Variants in MCM10 observed in about 807,000 individuals in gnomAD.
MCM10 encodes minichromosome maintenance 10 replication initiation factor.
Under a neutral mutation model 109.9 loss-of-function variants are expected in MCM10, and 91 were observed. That is an observed-to-expected ratio of 0.83 (90% CI 0.70 to 0.99). The LOEUF is 0.99. MCM10 is among the 50% of genes least tolerant of loss of function. MCM10 has a pLI of 0.00. For missense variants in MCM10, 1,077 were observed against 1,061.2 expected (o/e 1.01, Z -0.21); for synonymous variants, 380 against 387.2 (o/e 0.98, Z 0.22).
At chr10:13,203,554 C>T (rs946176982) in intron 17 of MCM10, among the ~76,000 whole-genome samples, 2 of 152,164 alleles carry the variant, frequency 1.3e-5, no homozygotes, top group Non-Finnish European at 1.5e-5. Flanking sequence ...GCCTTGGGCT[C>T]ACCACTCTGC....
rs987117224 is a variant in MCM10, at chr10:13,201,899, T to C, written c.2352+365T>C. On this transcript the variant is annotated intron_variant, in intron 17 of 19. Coordinates refer to ENST00000378714, the MANE Select transcript of MCM10 (RefSeq NM_018518.5). ...GCCTTGGGACCGTGGTTGAACCCCCTGGCCTCTCCTGTTATGATCCACCAC... is the reference window on the plus strand; with the variant it reads ...GCCTTGGGACCGTGGTTGAACCCCCCGGCCTCTCCTGTTATGATCCACCAC... The C allele has an allele frequency of 1.9e-5, 4 of 210,866 alleles. No homozygotes were observed. In the Admixed American group the frequency reaches 2.2e-4, roughly 11 times the overall value. The allele number at this position is 210,866 out of a possible 1,614,324, so 13.1% of individuals were successfully genotyped here.
intron 2 of MCM10, among the ~76,000 whole-genome samples, chr10:13,165,109 G>A (rs1308544017): frequency 6.6e-6 from 1 of 152,130 alleles, no homozygotes; most frequent in Non-Finnish European, 1.5e-5. Context: ...CTGAAACCCA[G>A]GATGGTACCA....
intron 9 of MCM10, among the ~76,000 whole-genome samples, chr10:13,186,946 C>T (rs988807885): frequency 2.0e-5 from 3 of 152,146 alleles, no homozygotes; most frequent in Admixed American, 6.6e-5. Flanking sequence ...GAGCTGAGAT[C>T]GCACTATTAT....
intron 2 of MCM10, among the ~76,000 whole-genome samples, chr10:13,169,240 A>C (rs531698625): frequency 6.6e-6 from 1 of 152,150 alleles, no homozygotes; most frequent in Non-Finnish European, 1.5e-5. Flanking sequence ...AAGCTCGTCT[A>C]TGAAACCCCA....
At chr10:13,186,090 T>A (rs1256025938) in intron 8 of MCM10, 74 bp from the exon 9 acceptor site, 1 of 832,930 alleles carries the variant, frequency 1.2e-6, no homozygotes, top group African/African-American at 1.7e-5. Flanking sequence ...CACCAACCAT[T>A]CTTTTTTCTA....
intron 2 of MCM10, among the ~76,000 whole-genome samples, chr10:13,169,862 C>T (rs1311580224): frequency 2.0e-5 from 3 of 152,178 alleles, no homozygotes; most frequent in African/African-American, 7.2e-5. Flanking sequence ...CGGGCCACCA[C>T]GCCCAGCTAA....
In MCM10 at chr10:13,170,951, G is replaced by C. The variant is rs185467446; in HGVS notation, c.37G>C (p.Ala13Pro). ...EEEDNLSLLT[A>P]LLEENESALD... The stretch of plus-strand genomic sequence containing the variant: ...GGAAGACAATCTGTCTCTGCTGACC[G>C]CACTGCTGGAAGAAAATGAGTCAGC... The change falls in exon 3 of 20, where the codon GCA (alanine) becomes CCA (proline). Residue 13 changes from alanine (A) to proline (P), a missense_variant. Ala to Pro is a conservative substitution (Grantham distance 27). Coordinates refer to ENST00000378714, the MANE Select transcript of MCM10 (RefSeq NM_018518.5). 6.2e-7 allele frequency: 1 copy of C among 1,614,062 alleles called. No homozygotes were observed. Among genetic ancestry groups the C allele is most frequent in the Admixed American group, 1.7e-5 (1 of 60,008 alleles).
In MCM10 at chr10:13,172,696, G is replaced by A. The variant is rs769876866; in HGVS notation, c.523G>A (p.Ala175Thr). 7 of 1,614,168 alleles carry A rather than the reference G, an allele frequency of 4.3e-6. No homozygotes were observed. The South Asian group carries it at 4.4e-5, about 10-fold the overall frequency. Residue 175 changes from alanine to threonine, a missense_variant, in exon 5 of 20, where the codon GCG (alanine) becomes ACG (threonine). Ala to Thr is a moderately conservative substitution (Grantham distance 58, BLOSUM62 0). Transcript: ENST00000378714. The surrounding 1 kb of genome is among the most constrained non-coding windows in gnomAD (Gnocchi z 5.2). ...AATTCAGGAGTCAACATGCTTTTCT[G>A]CGGAGCTTGATGTCCCTGCGCTACC... is the stretch of plus-strand genomic sequence containing the variant. ...QRIQESTCFSAELDVPALPRT... is the reference protein window; with the variant it reads ...QRIQESTCFSTELDVPALPRT...
chr10:13,191,239 A>T, intron 10 of MCM10, 60 bp from the exon 11 acceptor site: 1 of 1,098,552 alleles, frequency 9.1e-7, no homozygotes, highest in Non-Finnish European at 1.4e-6. Context: ...TGCCTTCTTT[A>T]CCTCATCAGA....
At chr10:13,166,080 G>A (rs1833993678) in intron 2 of MCM10, among the ~76,000 whole-genome samples, 1 of 151,992 alleles carries the variant, frequency 6.6e-6, no homozygotes, top group Non-Finnish European at 1.5e-5. Context: ...TAGTAGATGG[G>A]AGACACTGCT....
At chr10:13,188,778 C>A in intron 9 of MCM10, 103 bp from the exon 10 acceptor site, 1 of 987,556 alleles carries the variant, frequency 1.0e-6, no homozygotes, top group Non-Finnish European at 1.6e-6. Context: ...GAGGACTCTG[C>A]ATGCGTCATG....
rs1414538027 is a variant in MCM10 at position 13,189,091 on chromosome 10, CT to C, written c.1415+12del. On this transcript the variant is annotated intron_variant, in intron 10 of 19. Transcript: ENST00000378714. ...GTATGCAGCTTCAATGTAAGACGTT[CT>C]CGGGCTTCTTTTGGGCAGAGGATTT... The C allele has an allele frequency of 6.2e-7, 1 of 1,613,962 alleles. No homozygotes were observed. The highest frequency in any genetic ancestry group is 1.3e-5 in the African/African-American group (1 of 74,926).
chr10:13,172,755 T>G lies in MCM10; in HGVS notation c.582T>G (p.Ala194=). ...AGAGGGTGGCTCGAACACCAAAGGC[T>G]TCACCTCCAGGTGTAGTACTTGCGG... ...RTKRVARTPK[A]SPPDPKSSSS... Residue 194 remains alanine (A), a synonymous_variant, in exon 5 of 20, where the codon GCT becomes GCG. Transcript: ENST00000378714. The surrounding 1 kb of genome is among the most constrained non-coding windows in gnomAD (Gnocchi z 5.2). 1 of 1,614,146 alleles carries G rather than the reference T, an allele frequency of 6.2e-7. No individual in the cohort carries two copies. The highest frequency in any genetic ancestry group is 8.5e-7 in the Non-Finnish European group (1 of 1,180,028).
At chr10:13,177,291 C>T (rs1373332604) in intron 6 of MCM10, among the ~76,000 whole-genome samples, 1 of 152,194 alleles carries the variant, frequency 6.6e-6, no homozygotes, top group Non-Finnish European at 1.5e-5. Context: ...CTTAAAAATA[C>T]TCTAAAGGAC....
At chr10:13,197,042 C>T (rs1049128130) in intron 14 of MCM10, among the ~76,000 whole-genome samples, 2 of 147,098 alleles carry the variant, frequency 1.4e-5, no homozygotes, top group Admixed American at 6.8e-5. Flanking sequence ...CCTCCCATCT[C>T]AGTCCCCTGA....
At chr10:13,164,273 G>A (rs1409836418) in intron 2 of MCM10, 64 bp downstream of exon 2, 10 of 1,490,260 alleles carry the variant, frequency 6.7e-6, no homozygotes, top group Non-Finnish European at 9.1e-6. Context: ...CCATGGACTT[G>A]TTATTTATTC....
chr10:13,180,481 G>A lies in MCM10; in HGVS notation c.804G>A (p.Met268Ile), dbSNP rs1420177708. The A allele has an allele frequency of 1.2e-6, 2 of 1,613,834 alleles. No individual in the cohort carries two copies. The highest frequency in any genetic ancestry group is 1.7e-4 in the Middle Eastern group (1 of 6,060). ...CCTCCACAGAAATGAACAAGAAAAT[G>A]ACCGGCCGAAAACTGATCAGACTGT... The part of the protein sequence containing the change: ...RVSSTEMNKK[M>I]TGRKLIRLSQ... Residue 268 changes from methionine (M) to isoleucine (I), a missense_variant, in exon 7 of 20, where the codon ATG becomes ATA. Coordinates refer to ENST00000378714, the MANE Select transcript of MCM10 (RefSeq NM_018518.5).
chr10:13,188,972 G>T lies in MCM10; in HGVS notation c.1307G>T (p.Gly436Val). ...RADLQSTFSG[G>V]RIPKKFARRG... ...GATCTGCAGTCCACCTTCTCTGGAG[G>T]ACGAATTCCAAAGAAGTTTGCCCGC... The change falls in exon 10 of 20, where the codon GGA becomes GTA. Residue 436 changes from glycine to valine, a missense_variant. Coordinates refer to ENST00000378714, the MANE Select transcript of MCM10 (RefSeq NM_018518.5). The T allele has an allele frequency of 6.2e-7, 1 of 1,614,228 alleles. No homozygotes were observed. The highest frequency in any genetic ancestry group is 8.5e-7 in the Non-Finnish European group (1 of 1,180,042).
At chr10:13,190,752 G>A (rs954940034) in intron 10 of MCM10, among the ~76,000 whole-genome samples, 4 of 151,226 alleles carry the variant, frequency 2.6e-5, no homozygotes, top group African/African-American at 7.3e-5. Flanking sequence ...TTCTTCATAT[G>A]TGTACATTTT....
Sources: gnomAD v4.1 joint callset for allele counts (sites outside exome capture counted in the v4.1 genomes callset) on GRCh38, gnomAD v4.1.1 for gene constraint, Gnocchi (gnomAD v3.1) non-coding constraint, MANE v1.5 for transcripts, NCBI Gene and HGNC (gene_info 2026-07-23, HGNC 2026-07-21) for gene names.